Variants in CILP observed in about 807,000 individuals in gnomAD.
CILP encodes cartilage intermediate layer protein 1.
A neutral mutation model predicts 82.5 loss-of-function variants in CILP; 75 were observed. The observed-to-expected ratio is 0.91, with a 90% CI of 0.75 to 1.10. CILP has a LOEUF of 1.10. Ranked by LOEUF, CILP falls within the 50% of genes least tolerant of loss-of-function variation. CILP has a pLI of 0.00. For missense variants in CILP, 1,479 were observed against 1,530.8 expected (o/e 0.97, Z 0.56); for synonymous variants, 530 against 580.3 (o/e 0.91, Z 1.25).
chr15:65,208,687 G>A (rs2088548274), intron 2 of CILP, among the ~76,000 whole-genome samples: 2 of 152,220 alleles, frequency 1.3e-5, no homozygotes, highest in Admixed American at 6.5e-5. Flanking sequence ...CTGAGGCTGG[G>A]TTGGGGTCTC....
intron 1 of CILP, among the ~76,000 whole-genome samples, chr15:65,210,560 G>A (rs561548067): frequency 6.6e-6 from 1 of 152,234 alleles, no homozygotes; most frequent in Non-Finnish European, 1.5e-5. Flanking sequence ...CCTGGGACAA[G>A]GGCAAGGAAC....
intron 2 of CILP, among the ~76,000 whole-genome samples, chr15:65,208,879 A>C (rs2088551504): frequency 6.6e-6 from 1 of 152,172 alleles, no homozygotes; most frequent in East Asian, 1.9e-4. Flanking sequence ...CACAAGCAGC[A>C]GCTGTCAGGG....
In CILP at chr15:65,207,202, G is replaced by C. The variant is rs2088527687; in HGVS notation, c.155-151C>G. On this transcript the variant is annotated intron_variant, in intron 3 of 8. Coordinates refer to ENST00000261883, the MANE Select transcript of CILP (RefSeq NM_003613.4). ...CCCCTCTTACACCTGCCACTGCTGA[G>C]GCCTCCATTCAAGCTCTCATCAGCC... is the stretch of plus-strand genomic sequence containing the variant. The C allele has an allele frequency of 1.2e-5, 10 of 839,698 alleles. No homozygotes were observed. The South Asian group carries it at 1.8e-4, about 15-fold the overall frequency. The allele number at this position is 839,698 out of a possible 1,614,324, so 52.0% of individuals were successfully genotyped here.
intron 7 of CILP, among the ~76,000 whole-genome samples, chr15:65,202,716 C>T (rs953701030): frequency 3.3e-5 from 5 of 152,042 alleles, no homozygotes; most frequent in African/African-American, 4.8e-5. Context: ...GCATGAGACA[C>T]CATGCCTGGC....
At chr15:65,207,127 C>G in intron 3 of CILP, 76 bp from the exon 4 acceptor site, 3 of 1,517,910 alleles carry the variant, frequency 2.0e-6, no homozygotes, top group South Asian at 1.3e-5. Flanking sequence ...TCACCCACCC[C>G]CAGCTGGCCT....
chr15:65,203,116 C>T (rs988785741), intron 7 of CILP, among the ~76,000 whole-genome samples: 5 of 152,264 alleles, frequency 3.3e-5, no homozygotes, highest in South Asian at 2.1e-4. Flanking sequence ...GGATTACAGG[C>T]GTGAGCTACT....
In CILP at chr15:65,206,832, C is replaced by T. The variant is rs139011656; in HGVS notation, c.374G>A (p.Arg125Gln). 1.5e-4 allele frequency: 236 copies of T among 1,613,994 alleles called. 2 individuals are homozygous for T. The highest frequency in any genetic ancestry group is 9.9e-4 in the Middle Eastern group (6 of 6,056). Reference protein sequence around the residue: ...EGFWCLNREQRPGQNCSNYTV... With the variant: ...EGFWCLNREQQPGQNCSNYTV... ...GTAATTAGAGCAGTTCTGGCCAGGCCGCTGCTCCCTGTTGAGGCACCAGAA... is the reference window on the plus strand; with the variant it reads ...GTAATTAGAGCAGTTCTGGCCAGGCTGCTGCTCCCTGTTGAGGCACCAGAA... The change falls in exon 4 of 9, where the codon CGG becomes CAG. Residue 125 changes from arginine to glutamine, a missense_variant. Arg to Gln is a conservative substitution (Grantham distance 43). Coordinates refer to ENST00000261883, the MANE Select transcript of CILP (RefSeq NM_003613.4).
chr15:65,201,114 A>G (rs2088445984), intron 8 of CILP, among the ~76,000 whole-genome samples: 1 of 151,440 alleles, frequency 6.6e-6, no homozygotes, highest in Non-Finnish European at 1.5e-5. Flanking sequence ...CGATTCTACT[A>G]CCTCAGCCTC....
Position 65,202,018 on chromosome 15 carries a change from T to C in CILP, c.1040A>G (p.Asp347Gly). The C allele has an allele frequency of 6.3e-7, 1 of 1,584,438 alleles. No individual in the cohort carries two copies. Among genetic ancestry groups the C allele is most frequent in the Non-Finnish European group, 8.6e-7 (1 of 1,166,294 alleles). The change falls in exon 8 of 9, where the codon GAC (aspartate) becomes GGC (glycine). Residue 347 changes from aspartate (D) to glycine (G), a missense_variant. Physicochemically the swap from Asp to Gly is moderately conservative, Grantham distance 94 (BLOSUM62 -1). Coordinates refer to ENST00000261883, the MANE Select transcript of CILP (RefSeq NM_003613.4). The part of the protein sequence containing the change: ...RPDKYFWYHN[D>G]TLLDPSLYKH... ...GTAGAGGGAAGGATCCAGCAATGTG[T>C]CATTATGATACCTGCAAGGGATGGA...
At chr15:65,200,013 G>A (rs922187152) in intron 8 of CILP, among the ~76,000 whole-genome samples, 2 of 152,162 alleles carry the variant, frequency 1.3e-5, no homozygotes, top group Non-Finnish European at 2.9e-5. Context: ...GACTGTGAAT[G>A]CCAGAATGAT....
chr15:65,202,544 T>A lies in CILP; in HGVS notation c.1029-515A>T, dbSNP rs546338259. On this transcript the variant is annotated intron_variant, in intron 7 of 8. Coordinates refer to ENST00000261883, the MANE Select transcript of CILP (RefSeq NM_003613.4). ...CCAGGTTCAAGCGATTCTCCTGCCT[T>A]AGCCTCTCGAGTAGCTGGGATTACA... Among the ~76,000 whole-genome samples, 237 of 151,354 alleles carry A rather than the reference T, an allele frequency of 1.6e-3. 1 individual carries two copies. The highest frequency in any genetic ancestry group is 6.8e-3 in the Middle Eastern group (2 of 292).
rs745719027 is a variant in CILP at position 65,197,343 on chromosome 15, C to CA, written c.2942dup (p.Lys983GlufsTer34). 4 of 1,614,086 alleles carry CA rather than the reference C, an allele frequency of 2.5e-6. No individual in the cohort carries two copies. The East Asian group carries it at 8.9e-5, about 36-fold the overall frequency. ...CATCTCGGATTCCATACAGCTTCCC[C>CA]ACTGTCTGCCGATGAGTGCCCCCCA... is the stretch of plus-strand genomic sequence containing the variant. On this transcript the variant is annotated frameshift_variant, in exon 9 of 9. Coordinates refer to ENST00000261883, the MANE Select transcript of CILP (RefSeq NM_003613.4). LOFTEE classifies it high-confidence loss of function.
At chr15:65,200,127 A>G (rs2088431531) in intron 8 of CILP, among the ~76,000 whole-genome samples, 1 of 152,236 alleles carries the variant, frequency 6.6e-6, no homozygotes, top group Non-Finnish European at 1.5e-5. Flanking sequence ...CAATGTGCCA[A>G]AGCATTTAGA....
In CILP at chr15:65,204,382, G is replaced by A. The variant is rs1158675361; in HGVS notation, c.805C>T (p.Pro269Ser). ...DGRFRIPGLC[P>S]DGKSILKITK... ...ATCTTCAGGATGCTTTTGCCATCAG[G>A]GCACAAGCCAGGGATTCGGAATCTC... Residue 269 changes from proline to serine, a missense_variant, in exon 6 of 9, where the codon CCT (proline) becomes TCT (serine). Transcript: ENST00000261883. 6.2e-6 allele frequency: 10 copies of A among 1,614,062 alleles called. No homozygotes were observed. The highest frequency in any genetic ancestry group is 8.5e-6 in the Non-Finnish European group (10 of 1,180,050).
chr15:65,198,726 A>C lies in CILP; in HGVS notation c.1560T>G (p.Thr520=), dbSNP rs535885970. The part of the protein sequence containing the change: ...VYMGNSRVSM[T]GYKGTFTLHV... The stretch of plus-strand genomic sequence containing the variant: ...GGAGGGTGAAAGTGCCCTTGTAGCC[A>C]GTCATGCTTACACGGCTGTTCCCCA... Residue 520 remains threonine (T), a synonymous_variant, in exon 9 of 9, where the codon ACT becomes ACG. Transcript: ENST00000261883. 1 of 1,614,248 alleles carries C rather than the reference A, an allele frequency of 6.2e-7. No homozygotes were observed. The highest frequency in any genetic ancestry group is 1.3e-5 in the African/African-American group (1 of 75,078).
chr15:65,204,251 C>G lies in CILP; in HGVS notation c.919+17G>C, dbSNP rs2088491586. ...TCTGGACCTTCTCACCAGCCCTACC[C>G]CAAAGAATTTAGTTACCTGCCCTCA... On this transcript the variant is annotated intron_variant, in intron 6 of 8. Coordinates refer to ENST00000261883, the MANE Select transcript of CILP (RefSeq NM_003613.4). 4.3e-6 allele frequency: 7 copies of G among 1,609,264 alleles called. No homozygotes were observed. Among genetic ancestry groups the G allele is most frequent in the Admixed American group, 1.7e-5 (1 of 58,618 alleles).
chr15:65,200,945 C>T (rs1595957768), intron 8 of CILP, among the ~76,000 whole-genome samples: 1 of 152,340 alleles, frequency 6.6e-6, no homozygotes, highest in East Asian at 1.9e-4. Flanking sequence ...GAGGTATCTA[C>T]CATCTATTAG....
At position 65,196,823 on chromosome 15, in the gene CILP, G is replaced by A. The variant is rs758391905; in HGVS notation, c.3463C>T (p.Gln1155Ter). 2.5e-6 allele frequency: 4 copies of A among 1,611,340 alleles called. No homozygotes were observed. Among genetic ancestry groups the A allele is most frequent in the Non-Finnish European group, 2.5e-6 (3 of 1,178,182 alleles). Residue 1155 changes from glutamine (Q) to a stop codon, truncating the protein, a stop_gained, in exon 9 of 9, where the codon CAG becomes TAG. Coordinates refer to ENST00000261883, the MANE Select transcript of CILP (RefSeq NM_003613.4). LOFTEE classifies it low-confidence loss of function (END_TRUNC). ...TVQGRVPSRR[Q>*]QRASRGGQRQ... ...TGGCCACCCCTGCTCGCTCGCTGCT[G>A]CCTCCTCGAGGGCACTCTTCCTTGG...
At position 65,198,227 on chromosome 15, in the gene CILP, C is replaced by T. The variant is rs762485503; in HGVS notation, c.2059G>A (p.Val687Ile). 9.3e-6 allele frequency: 15 copies of T among 1,614,224 alleles called. No homozygotes were observed. In the South Asian group the frequency reaches 1.6e-4, roughly 18 times the overall value. Reference protein sequence around the residue: ...KVKVHLDSTQVKMPEHISTVK... With the variant: ...KVKVHLDSTQIKMPEHISTVK... ...GTGGATATGTGCTCTGGCATCTTGACCTGGGTCGAGTCAAGGTGGACCTTC... is the reference window on the plus strand; with the variant it reads ...GTGGATATGTGCTCTGGCATCTTGATCTGGGTCGAGTCAAGGTGGACCTTC... Residue 687 changes from valine (V) to isoleucine (I), a missense_variant, in exon 9 of 9, where the codon GTC becomes ATC. By Grantham distance (29) the Val-to-Ile change is conservative (BLOSUM62 3). Transcript: ENST00000261883.
Sources: allele counts gnomAD v4.1 joint callset (sites outside exome capture counted in the v4.1 genomes callset), GRCh38; gene constraint gnomAD v4.1.1; transcripts MANE v1.5; gene names NCBI Gene and HGNC (gene_info 2026-07-23, HGNC 2026-07-21).